LILRB2: variants seen among roughly 807,000 people sequenced by gnomAD.
LILRB2 encodes leukocyte immunoglobulin-like receptor subfamily B member 2.
LILRB2 carries 47 observed loss-of-function variants against 72.7 expected under a neutral mutation model. The ratio of observed to expected loss-of-function variants is 0.65; its 90% confidence interval spans 0.51 to 0.82. The LOEUF is 0.82. Among genes scored for constraint, LILRB2 ranks in the 40% least tolerant of loss-of-function variants. The probability of loss-of-function intolerance (pLI) is 0.00; values close to 1 mark genes in which losing one functional copy is unlikely to be tolerated. For missense variants in LILRB2, 767 were observed against 764.8 expected (o/e 1.00, Z -0.03); for synonymous variants, 279 against 313.7 (o/e 0.89, Z 1.17).
chr19:54,275,771 C>T lies in LILRB2; in HGVS notation c.1647+180G>A, dbSNP rs1398426558. 45 of 865,566 alleles carry T rather than the reference C, an allele frequency of 5.2e-5. No homozygotes were observed. In the Admixed American group the frequency reaches 8.2e-4, roughly 16 times the overall value. The allele number at this position is 865,566 out of a possible 1,614,324, so 53.6% of individuals were successfully genotyped here. ...CAGGAAGGGGACCCGGGAGGAGGCC[C>T]ACGAGGTCCCAGGACAGCAGGAGAG... On this transcript the variant is annotated intron_variant, in intron 13 of 13. Coordinates refer to ENST00000314446, the MANE Select transcript of LILRB2 (RefSeq NM_001080978.4).
At chr19:54,277,517 C>T (rs1451288372) in intron 9 of LILRB2, 33 bp downstream of exon 9, 1 of 1,555,204 alleles carries the variant, frequency 6.4e-7, no homozygotes, top group Admixed American at 1.9e-5. Context: ...CCCCGGGACC[C>T]CGCCCACCTC....
Position 54,279,654 on chromosome 19 carries a change from GAGA to G in LILRB2, c.356-10_356-8del, listed in dbSNP as rs1569108916. ...GTGGGTTTTGGGTAGGCTCCTAGGA[GAGA>G]AGGAGGCATCGTGTTAAATGGGGCT... On this transcript the variant is annotated splice_region_variant and splice_polypyrimidine_tract_variant and intron_variant, in intron 4 of 13. Transcript: ENST00000314446. The G allele has an allele frequency of 3.1e-6, 5 of 1,603,822 alleles. No individual in the cohort carries two copies. Among genetic ancestry groups the G allele is most frequent in the Non-Finnish European group, 3.4e-6 (4 of 1,172,178 alleles).
chr19:54,275,929 T>G lies in LILRB2; in HGVS notation c.1647+22A>C, dbSNP rs201556432. 6 of 1,596,706 alleles carry G rather than the reference T, an allele frequency of 3.8e-6. No individual in the cohort carries two copies. In the Admixed American group the frequency reaches 6.8e-5, roughly 18 times the overall value. ...CTGGCACCAGGAGGCCTTTGGTGCCTGGGACAGGGGCGGGGTCTCACCCGA... is the reference window on the plus strand; with the variant it reads ...CTGGCACCAGGAGGCCTTTGGTGCCGGGGACAGGGGCGGGGTCTCACCCGA... On this transcript the variant is annotated intron_variant, in intron 13 of 13. Coordinates refer to ENST00000314446, the MANE Select transcript of LILRB2 (RefSeq NM_001080978.4).
chr19:54,280,614 C>T, intron 1 of LILRB2, 70 bp from the exon 2 acceptor site: 1 of 1,521,298 alleles, frequency 6.6e-7, no homozygotes, highest in Non-Finnish European at 9.1e-7. Flanking sequence ...CACTCAGAGG[C>T]TGGGTCCTTC....
In LILRB2 at chr19:54,277,540, C is replaced by T. The variant is rs558016329; in HGVS notation, c.1357+10G>A. 1.2e-5 allele frequency: 19 copies of T among 1,567,456 alleles called. No homozygotes were observed. In the African/African-American group the frequency reaches 2.3e-4, roughly 19 times the overall value. ...CCCCGCCCACCTCCCACTCAGAGCC[C>T]CTCACTCACCACTTTGGGGATCCGA... On this transcript the variant is annotated intron_variant, in intron 9 of 13. Transcript: ENST00000314446.
intron 1 of LILRB2, 77 bp from the exon 2 acceptor site, chr19:54,280,621 C>T: frequency 1.3e-6 from 2 of 1,562,816 alleles, no homozygotes; most frequent in Non-Finnish European, 1.8e-6. Flanking sequence ...AGGCTGGGTC[C>T]TTCTCATGGG....
chr19:54,280,343 A>G (rs371209350), intron 2 of LILRB2, 44 bp from the exon 3 acceptor site: 12 of 1,614,000 alleles, frequency 7.4e-6, no homozygotes, highest in African/African-American at 4.0e-5. Flanking sequence ...CTGAAGCCTG[A>G]GCAGGTCCTC....
chr19:54,277,396 C>G (rs2080286035), intron 9 of LILRB2, 154 bp downstream of exon 9: 1 of 1,289,506 alleles, frequency 7.8e-7, no homozygotes, highest in African/African-American at 1.5e-5. Flanking sequence ...TTCCCACCTG[C>G]AGGCCTCTCT....
intron 13 of LILRB2, chr19:54,275,518 C>G: frequency 2.0e-6 from 1 of 512,514 alleles, no homozygotes; most frequent in Non-Finnish European, 3.9e-6. Context: ...CATTTATTTG[C>G]ATTTTGTCTC....
Position 54,274,389 on chromosome 19 carries a change from T to G in LILRB2, c.*294A>C. The G allele has an allele frequency of 2.7e-6, 1 of 372,886 alleles. No homozygotes were observed. 23.1% of individuals were successfully genotyped at this position (372,886 alleles called of 1,614,324 possible). ...GTACTTTTTCAATTTCATTGTGTGA[T>G]GTGTAATATTTATATTGTGATTCAG... On this transcript the variant is annotated 3_prime_UTR_variant, in exon 14 of 14. Coordinates refer to ENST00000314446, the MANE Select transcript of LILRB2 (RefSeq NM_001080978.4).
intron 13 of LILRB2, chr19:54,275,297 G>A (rs2080170221): frequency 1.6e-6 from 1 of 615,756 alleles, no homozygotes; most frequent in East Asian, 2.9e-5. Context: ...GCAAGAGCTC[G>A]CTGCTGCCTC....
Position 54,275,635 on chromosome 19 carries a change from G to A in LILRB2, c.1647+316C>T, listed in dbSNP as rs560098348. 2.4e-3 allele frequency: 1,311 copies of A among 549,350 alleles called. 28 individuals carry two copies. Among genetic ancestry groups the A allele is most frequent in the South Asian group, 0.02 (1,272 of 64,962 alleles). The allele number at this position is 549,350 out of a possible 1,614,324, so 34.0% of individuals were successfully genotyped here. ...GTGAGCTCCCTGGGAACACTCACTGGTTGAATGAATGAAGGGGAGCCCAGG... is the reference window on the plus strand; with the variant it reads ...GTGAGCTCCCTGGGAACACTCACTGATTGAATGAATGAAGGGGAGCCCAGG... On this transcript the variant is annotated intron_variant, in intron 13 of 13. Coordinates refer to ENST00000314446, the MANE Select transcript of LILRB2 (RefSeq NM_001080978.4).
rs772248168 is a variant in LILRB2, at chr19:54,274,781, T to C, written c.1696A>G (p.Ser566Gly). 6.2e-7 allele frequency: 1 copy of C among 1,610,378 alleles called. No individual in the cohort carries two copies. Among genetic ancestry groups the C allele is most frequent in the African/African-American group, 1.4e-5 (1 of 73,534 alleles). The change falls in exon 14 of 14, where the codon AGC (serine) becomes GGC (glycine). Residue 566 changes from serine (S) to glycine (G), a missense_variant. Ser to Gly is a moderately conservative substitution (Grantham distance 56). This residue lies in a region of LILRB2 where 162 missense variants were observed against 176.7 expected (regional missense o/e 0.92). Transcript: ENST00000314446. Reference protein sequence around the residue: ...PQDVTYAQLHSLTLRRKATEP... With the variant: ...PQDVTYAQLHGLTLRRKATEP... ...GTTGCCTTCCGTCTGAGGGTCAAGCTGTGCAGCTGGGCGTAGGTCACATCC... is the reference window on the plus strand; with the variant it reads ...GTTGCCTTCCGTCTGAGGGTCAAGCCGTGCAGCTGGGCGTAGGTCACATCC...
At chr19:54,280,673 C>T in intron 1 of LILRB2, 129 bp from the exon 2 acceptor site, 1 of 1,315,962 alleles carries the variant, frequency 7.6e-7, no homozygotes, top group South Asian at 1.3e-5. Flanking sequence ...AACTGCCCTC[C>T]CAGGAGCCTG....
In LILRB2 at chr19:54,278,844, GC is replaced by G. The variant is rs1398032578; in HGVS notation, c.922del (p.Ala308ProfsTer9). The G allele has an allele frequency of 6.2e-7, 1 of 1,612,770 alleles. No homozygotes were observed. The highest frequency in any genetic ancestry group is 8.5e-7 in the Non-Finnish European group (1 of 1,179,620). On this transcript the variant is annotated frameshift_variant, in exon 6 of 14. Coordinates refer to ENST00000314446, the MANE Select transcript of LILRB2 (RefSeq NM_001080978.4). LOFTEE classifies it high-confidence loss of function. ...CAGGATGTCCAGGGGGTCGCTGGGG[GC>G]CGAGCACTCAGAGGAGAGGTTGTGT... ...GAHNLSSECS[A>X]PSDPLDILIT...
chr19:54,279,136 G>A (rs1322081015), intron 5 of LILRB2, 28 bp from the exon 6 acceptor site: 5 of 1,599,064 alleles, frequency 3.1e-6, no homozygotes, highest in Non-Finnish European at 3.4e-6. Flanking sequence ...TGGTTTCCAG[G>A]AGCCGACCCT....
At chr19:54,275,383 G>T in intron 13 of LILRB2, 1 of 512,762 alleles carries the variant, frequency 2.0e-6, no homozygotes, top group East Asian at 3.9e-5. Flanking sequence ...CTCTGTCCAG[G>T]CTTCTCAGAT....
Position 54,279,368 on chromosome 19 carries a change from T to A in LILRB2, c.635A>T (p.Asp212Val), listed in dbSNP as rs1358603418. ...NSPYVWSSPS[D>V]LLELLVPGVS... ...ACCTGGGACCAGGAGCTCCAGGAGA[T>A]CACTGGGTGAAGACCACACATAGGG... The change falls in exon 5 of 14, where the codon GAT (aspartate) becomes GTT (valine). Residue 212 changes from aspartate (D) to valine (V), a missense_variant. By Grantham distance (152) the Asp-to-Val change is radical. Coordinates refer to ENST00000314446, the MANE Select transcript of LILRB2 (RefSeq NM_001080978.4). 6.2e-7 allele frequency: 1 copy of A among 1,613,022 alleles called. No homozygotes were observed. The highest frequency in any genetic ancestry group is 2.2e-5 in the East Asian group (1 of 44,850).
chr19:54,277,026 C>T (rs1569097661), intron 9 of LILRB2, 97 bp from the exon 10 acceptor site: 3 of 1,520,616 alleles, frequency 2.0e-6, no homozygotes, highest in Non-Finnish European at 2.7e-6. Context: ...CCACCTCCAA[C>T]CCCCACAACA....
Sources: gnomAD v4.1 joint callset for allele counts on GRCh38, gnomAD v4.1.1 for gene constraint, gnomAD v4.1.1 regional missense constraint, MANE v1.5 for transcripts, NCBI Gene and HGNC (gene_info 2026-07-23, HGNC 2026-07-21) for gene names.